Variants in FAM135A observed in about 807,000 individuals in gnomAD.
The protein encoded by FAM135A is family with sequence similarity 135 member A, also known as protein FAM135A.
In FAM135A, 79 loss-of-function variants were observed where a neutral mutation model predicts 146.8. The ratio of observed to expected loss-of-function variants is 0.54; its 90% CI spans 0.45 to 0.65. The LOEUF is 0.65. Ranked by LOEUF, FAM135A falls within the 30% of genes least tolerant of loss-of-function variation. The pLI is 0.00. For missense variants in FAM135A, 1,623 were observed against 1,758.2 expected, an observed-to-expected ratio of 0.92 and a Z score of 1.38; for synonymous variants, 562 against 603.6, an observed-to-expected ratio of 0.93 and a Z score of 1.01.
At chr6:70,544,709 C>G (rs1211860270) in intron 20 of FAM135A, among the ~76,000 whole-genome samples, 1 of 151,848 alleles carries the variant, frequency 6.6e-6, no homozygotes, top group Non-Finnish European at 1.5e-5. Flanking sequence ...CCACTACACT[C>G]CAGCGGGGGA....
chr6:70,436,652 G>A (rs981721648), intron 4 of FAM135A, among the ~76,000 whole-genome samples: 2 of 152,238 alleles, frequency 1.3e-5, no homozygotes, highest in Non-Finnish European at 1.5e-5. Context: ...AATTGCCAAT[G>A]TGTATTCTTC....
chr6:70,536,445 G>A, intron 19 of FAM135A, 34 bp downstream of exon 19: 1 of 1,467,230 alleles, frequency 6.8e-7, no homozygotes, highest in Non-Finnish European at 9.1e-7. Flanking sequence ...TTAAAAATAT[G>A]GAATAGGGAG....
At chr6:70,433,519 A>G (rs1319385425) in intron 4 of FAM135A, among the ~76,000 whole-genome samples, 3 of 138,036 alleles carry the variant, frequency 2.2e-5, no homozygotes, top group Admixed American at 7.1e-5. Context: ...TTTTTTTTTT[A>G]AGTAACTTAA....
intron 5 of FAM135A, among the ~76,000 whole-genome samples, chr6:70,453,952 G>A (rs144193267): frequency 0.019 from 2,875 of 152,218 alleles, 95 homozygotes; most frequent in African/African-American, 0.065. Flanking sequence ...TGGGTCAAAC[G>A]ATATTTCTAG....
chr6:70,481,979 C>T lies in FAM135A; in HGVS notation c.670-22C>T, dbSNP rs564135475. 2.3e-5 allele frequency: 37 copies of T among 1,604,316 alleles called. No homozygotes were observed. The East Asian group carries it at 3.8e-4, about 17-fold the overall frequency. On this transcript the variant is annotated intron_variant, in intron 9 of 21. Coordinates refer to ENST00000418814, the MANE Select transcript of FAM135A (RefSeq NM_001162529.3). ...ATTTTGTATTACTGACACTCTGTAT[C>T]CTACATCTGTTTTTTGTTTAGGGTT...
intron 5 of FAM135A, among the ~76,000 whole-genome samples, chr6:70,462,627 A>T (rs1217647883): frequency 1.4e-5 from 2 of 140,440 alleles, no homozygotes; most frequent in Non-Finnish European, 3.1e-5. Context: ...CAGGTTGGTT[A>T]AAAAAAAAAA....
intron 5 of FAM135A, among the ~76,000 whole-genome samples, chr6:70,455,030 A>ATTT (rs1265082954): frequency 6.6e-6 from 1 of 152,126 alleles, no homozygotes; most frequent in African/African-American, 2.4e-5. Context: ...CAGTATGGCC[A>ATTT]TTTTCACAAT....
chr6:70,557,177 A>G (rs1801007358), intron 21 of FAM135A: 1 of 421,698 alleles, frequency 2.4e-6, no homozygotes, highest in Non-Finnish European at 4.2e-6. Flanking sequence ...GTTCTGCTGT[A>G]CCTCGCTTTT....
At chr6:70,551,608 C>T (rs1270218186) in intron 20 of FAM135A, among the ~76,000 whole-genome samples, 1 of 152,030 alleles carries the variant, frequency 6.6e-6, no homozygotes, top group Non-Finnish European at 1.5e-5. Flanking sequence ...GACCCTGTCT[C>T]AAAAAATAAA....
intron 12 of FAM135A, among the ~76,000 whole-genome samples, chr6:70,517,875 G>A (rs982759873): frequency 6.6e-6 from 1 of 152,140 alleles, no homozygotes; most frequent in Non-Finnish European, 1.5e-5. Context: ...TCACCAACTA[G>A]CATTCCCTTC....
chr6:70,559,525 C>T (rs1458758338), intron 21 of FAM135A, among the ~76,000 whole-genome samples, 191 bp from the exon 22 acceptor site: 1 of 151,580 alleles, frequency 6.6e-6, no homozygotes, highest in Non-Finnish European at 1.5e-5. Context: ...AATGTGATTA[C>T]TTACATTTTC....
intron 10 of FAM135A, among the ~76,000 whole-genome samples, chr6:70,490,215 G>C (rs529001868): frequency 2.0e-5 from 3 of 152,230 alleles, no homozygotes; most frequent in East Asian, 3.9e-4. Flanking sequence ...TTCACAACAA[G>C]ATTATGGGAA....
At chr6:70,485,785 T>C (rs1397337907) in intron 10 of FAM135A, among the ~76,000 whole-genome samples, 1 of 152,140 alleles carries the variant, frequency 6.6e-6, no homozygotes, top group Non-Finnish European at 1.5e-5. Flanking sequence ...TAAATATTGG[T>C]TTGGTGCAGG....
chr6:70,454,284 T>C (rs1043823230), intron 5 of FAM135A, among the ~76,000 whole-genome samples: 2 of 152,226 alleles, frequency 1.3e-5, no homozygotes, highest in Admixed American at 6.5e-5. Flanking sequence ...TTTGTTTAAG[T>C]TCTTTGTAGA....
intron 4 of FAM135A, among the ~76,000 whole-genome samples, chr6:70,430,347 C>A (rs113541975): frequency 8.8e-4 from 132 of 149,746 alleles, no homozygotes; most frequent in African/African-American, 3.2e-3. Flanking sequence ...AAAAAAAAAA[C>A]AAAAAAAGAA....
chr6:70,431,155 A>G (rs1316956258), intron 4 of FAM135A, among the ~76,000 whole-genome samples: 1 of 152,176 alleles, frequency 6.6e-6, no homozygotes, highest in African/African-American at 2.4e-5. Flanking sequence ...GTTATGGCAC[A>G]CACCACTTCT....
chr6:70,462,711 G>A (rs987137254), intron 5 of FAM135A, among the ~76,000 whole-genome samples: 1 of 151,818 alleles, frequency 6.6e-6, no homozygotes, highest in Non-Finnish European at 1.5e-5. Context: ...TTTTGTGTGT[G>A]TATATATGTA....
chr6:70,457,372 C>T (rs555063171), intron 5 of FAM135A, among the ~76,000 whole-genome samples: 43 of 152,308 alleles, frequency 2.8e-4, no homozygotes, highest in African/African-American at 9.6e-4. Flanking sequence ...TTTCAGGGCA[C>T]GAAATCATTC....
In FAM135A at chr6:70,524,403, A is replaced by G. The variant is rs1416861373; in HGVS notation, c.1319A>G (p.Asp440Gly). ...CAGAGATCAGAGTCCAGTAAAATGG[A>G]TAAATATGAGACTGAAGAAAGCTCT... ...NLQRSESSKM[D>G]KYETEESSVA... Residue 440 changes from aspartate (D) to glycine (G), a missense_variant, in exon 15 of 22, where the codon GAT (aspartate) becomes GGT (glycine). Asp to Gly is a moderately conservative substitution (Grantham distance 94, BLOSUM62 -1). Coordinates refer to ENST00000418814, the MANE Select transcript of FAM135A (RefSeq NM_001162529.3). 3.9e-6 allele frequency: 6 copies of G among 1,523,128 alleles called. No homozygotes were observed. In the East Asian group the frequency reaches 9.8e-5, roughly 25 times the overall value. 94.4% of individuals were successfully genotyped at this position (1,523,128 alleles called of 1,614,324 possible). A position where few individuals can be genotyped will look rare whatever the true frequency, so the allele number is the denominator to read the frequency against.
Sources: allele counts gnomAD v4.1 joint callset (sites outside exome capture counted in the v4.1 genomes callset), GRCh38; gene constraint gnomAD v4.1.1; transcripts MANE v1.5; gene names NCBI Gene and HGNC (gene_info 2026-07-23, HGNC 2026-07-21).